ZNRF2: variants seen among roughly 807,000 people sequenced by gnomAD.
ZNRF2 encodes the protein zinc and ring finger 2.
In ZNRF2, 16 loss-of-function variants were observed where a neutral mutation model predicts 20.4. That is an observed-to-expected ratio of 0.79 (90% CI 0.53 to 1.19). ZNRF2 has a LOEUF of 1.19. Among genes scored for constraint, ZNRF2 ranks in the 50% most tolerant of loss-of-function variants. The pLI is 0.00. For missense variants in ZNRF2, 363 were observed against 332.4 expected, an observed-to-expected ratio of 1.09 and a Z score of -0.72; for synonymous variants, 178 against 144.9, an observed-to-expected ratio of 1.23 and a Z score of -1.64.
intron 1 of ZNRF2, among the ~76,000 whole-genome samples, chr7:30,292,824 G>A (rs962386183): frequency 3.3e-5 from 5 of 152,192 alleles, no homozygotes; most frequent in East Asian, 1.9e-4. Flanking sequence ...GCATAGTGGG[G>A]TGGCATGAGG....
chr7:30,293,719 A>G (rs995989444), intron 1 of ZNRF2, among the ~76,000 whole-genome samples: 2 of 152,226 alleles, frequency 1.3e-5, no homozygotes, highest in Non-Finnish European at 2.9e-5. Context: ...GAGGTTTTTG[A>G]TATTTATAAG....
intron 1 of ZNRF2, among the ~76,000 whole-genome samples, chr7:30,310,139 C>T (rs192797609): frequency 3.9e-4 from 60 of 152,198 alleles, no homozygotes; most frequent in Non-Finnish European, 7.8e-4. Context: ...GACAGATACT[C>T]AGGAGGTAAA....
chr7:30,285,559 G>C lies in ZNRF2; in HGVS notation c.202G>C (p.Ala68Pro). ...CAGCGCCTCCGGCGGCGCCGCGGCGGCCGCGGCGGCCCCGGCAGCCCCGGC... is the reference window on the plus strand; with the variant it reads ...CAGCGCCTCCGGCGGCGCCGCGGCGCCCGCGGCGGCCCCGGCAGCCCCGGC... ...QPSASGGAAA[A>P]AAAPAAPAAP... is the part of the protein sequence containing the mutation. Residue 68 changes from alanine to proline, a missense_variant, in exon 1 of 5, where the codon GCC (alanine) becomes CCC (proline). Transcript: ENST00000323037. 1 of 976,956 alleles carries C rather than the reference G, an allele frequency of 1.0e-6. No homozygotes were observed. The highest frequency in any genetic ancestry group is 1.8e-5 in the African/African-American group (1 of 55,308). 60.5% of individuals were successfully genotyped at this position (976,956 alleles called of 1,614,324 possible).
At chr7:30,300,030 C>T (rs183553048) in intron 1 of ZNRF2, among the ~76,000 whole-genome samples, 206 of 152,004 alleles carry the variant, frequency 1.4e-3, no homozygotes, top group Admixed American at 2.4e-3. Flanking sequence ...GTGATGTGCC[C>T]GCCTTGGCCT....
intron 1 of ZNRF2, among the ~76,000 whole-genome samples, chr7:30,306,920 T>C (rs1260007003): frequency 6.6e-6 from 1 of 152,146 alleles, no homozygotes; most frequent in Admixed American, 6.6e-5. Context: ...TTTGTATTTA[T>C]TTGCTATTTT....
chr7:30,324,510 C>T (rs910175939), intron 2 of ZNRF2, among the ~76,000 whole-genome samples: 4 of 150,534 alleles, frequency 2.7e-5, no homozygotes, highest in Non-Finnish European at 4.4e-5. Context: ...GATTGTGCCA[C>T]TGCACTCCAG....
intron 1 of ZNRF2, among the ~76,000 whole-genome samples, chr7:30,304,853 C>G (rs1334242238): frequency 6.6e-6 from 1 of 152,120 alleles, no homozygotes; most frequent in African/African-American, 2.4e-5. Context: ...AAAGGGAGCT[C>G]TGTGCCCCTG....
chr7:30,343,026 G>A (rs184677743), intron 2 of ZNRF2, among the ~76,000 whole-genome samples: 162 of 152,124 alleles, frequency 1.1e-3, no homozygotes, highest in African/African-American at 3.6e-3. Context: ...CACTTTTGGC[G>A]AATGTTTCCT....
chr7:30,300,462 TTTAA>T (rs1423674471), intron 1 of ZNRF2, among the ~76,000 whole-genome samples: 2 of 152,196 alleles, frequency 1.3e-5, no homozygotes, highest in Admixed American at 1.3e-4. Flanking sequence ...ACCCCAAATG[TTTAA>T]TTAATGATAG....
rs904868824 is a variant in ZNRF2, at chr7:30,285,138, C to T, written c.-220C>T. The T allele has an allele frequency of 6.5e-5, 27 of 416,988 alleles. No individual in the cohort carries two copies. The highest frequency in any genetic ancestry group is 1.0e-4 in the Non-Finnish European group (22 of 214,672). 25.8% of individuals were successfully genotyped at this position (416,988 alleles called of 1,614,324 possible). A position where few individuals can be genotyped will look rare whatever the true frequency, so the allele number is the denominator to read the frequency against. On this transcript the variant is annotated 5_prime_UTR_variant, in exon 1 of 5. Transcript: ENST00000323037. Reference sequence around the variant, plus strand: ...CCCCTTCCTCTCCGCGTCTCCTCGTCTCCCGCGCCCGCGTCAGGCCGTCGG... The same window carrying T: ...CCCCTTCCTCTCCGCGTCTCCTCGTTTCCCGCGCCCGCGTCAGGCCGTCGG...
At chr7:30,315,501 T>C (rs1055707691) in intron 1 of ZNRF2, among the ~76,000 whole-genome samples, 7 of 152,106 alleles carry the variant, frequency 4.6e-5, no homozygotes, top group Non-Finnish European at 1.0e-4. Context: ...TCACTGAGTT[T>C]TCTTACCTGT....
intron 1 of ZNRF2, among the ~76,000 whole-genome samples, chr7:30,301,139 G>C (rs1799106863): frequency 6.6e-6 from 1 of 152,216 alleles, no homozygotes; most frequent in South Asian, 2.1e-4. Context: ...TGGAATGACA[G>C]AACCTCATCC....
chr7:30,347,561 GA>G (rs200798204), intron 2 of ZNRF2, among the ~76,000 whole-genome samples: 35 of 150,920 alleles, frequency 2.3e-4, no homozygotes, highest in Middle Eastern at 6.8e-3. Flanking sequence ...CAATTAAAAA[GA>G]AAAAAAAATC....
At chr7:30,310,930 C>T (rs1439086347) in intron 1 of ZNRF2, among the ~76,000 whole-genome samples, 2 of 152,070 alleles carry the variant, frequency 1.3e-5, no homozygotes, top group Non-Finnish European at 2.9e-5. Flanking sequence ...ATCGAGGTCC[C>T]AAGTTTGGGG....
chr7:30,291,647 G>T (rs1798912453), intron 1 of ZNRF2, among the ~76,000 whole-genome samples: 1 of 152,176 alleles, frequency 6.6e-6, no homozygotes, highest in South Asian at 2.1e-4. Context: ...AAATGATAAT[G>T]AGTTCCTTTC....
At chr7:30,309,369 GAA>G (rs1455257763) in intron 1 of ZNRF2, among the ~76,000 whole-genome samples, 2 of 152,266 alleles carry the variant, frequency 1.3e-5, no homozygotes, top group East Asian at 3.9e-4. Context: ...AGAGTGCTCA[GAA>G]ATTTATCACT....
At chr7:30,353,303 A>C (rs1183173182) in intron 2 of ZNRF2, among the ~76,000 whole-genome samples, 1 of 151,986 alleles carries the variant, frequency 6.6e-6, no homozygotes, top group African/African-American at 2.4e-5. Flanking sequence ...TTTTTAGTGG[A>C]TATTAGGCTG....
At chr7:30,345,817 A>G (rs1336736567) in intron 2 of ZNRF2, among the ~76,000 whole-genome samples, 10 of 152,264 alleles carry the variant, frequency 6.6e-5, no homozygotes, top group Non-Finnish European at 1.3e-4. Context: ...TAGACTTCAC[A>G]TTAAGTTTTT....
At position 30,285,459 on chromosome 7, in the gene ZNRF2, C is replaced by A; in HGVS notation, c.102C>A (p.Thr34=). 1 of 1,137,066 alleles carries A rather than the reference C, an allele frequency of 8.8e-7. No homozygotes were observed. The highest frequency in any genetic ancestry group is 1.1e-6 in the Non-Finnish European group (1 of 924,768). The allele number at this position is 1,137,066 out of a possible 1,614,324, so 70.4% of individuals were successfully genotyped here. The change falls in exon 1 of 5, where the codon ACC becomes ACA. Residue 34 remains threonine, a synonymous_variant. Transcript: ENST00000323037. ...PSSSSGGANG[T]AGGGGGARAA... Reference sequence around the variant, plus strand: ...GTAGCAGCGGAGGCGCCAATGGGACCGCGGGCGGCGGCGGGGGCGCTCGGG... The same window carrying A: ...GTAGCAGCGGAGGCGCCAATGGGACAGCGGGCGGCGGCGGGGGCGCTCGGG...
Sources: gnomAD v4.1 joint callset for allele counts (sites outside exome capture counted in the v4.1 genomes callset) on GRCh38, gnomAD v4.1.1 for gene constraint, MANE v1.5 for transcripts, NCBI Gene and HGNC (gene_info 2026-07-23, HGNC 2026-07-21) for gene names.